The following MFHAS1 variants were observed in gnomAD, a reference collection of about 807,000 sequenced individuals.
MFHAS1 encodes multifunctional ROCO family signaling regulator 1.
MFHAS1 carries 50 observed loss-of-function variants against 70.4 expected under a neutral mutation model. The observed-to-expected ratio is 0.71, with a 90% CI of 0.57 to 0.90. MFHAS1 has a LOEUF of 0.90. Among genes scored for constraint, MFHAS1 ranks in the 40% least tolerant of loss-of-function variants. The pLI is 0.00. For missense variants in MFHAS1, 1,795 were observed against 1,347.6 expected (o/e 1.33, Z -5.20); for synonymous variants, 952 against 620.0 (o/e 1.54, Z -7.96).
At chr8:8,820,243 C>A (rs1439408698) in intron 1 of MFHAS1, among the ~76,000 whole-genome samples, 4 of 151,872 alleles carry the variant, frequency 2.6e-5, no homozygotes, top group African/African-American at 9.7e-5. Flanking sequence ...GACTGCTATG[C>A]TCCCCCTTCC....
chr8:8,879,897 C>T (rs566374943), intron 1 of MFHAS1, among the ~76,000 whole-genome samples: 31 of 152,198 alleles, frequency 2.0e-4, no homozygotes, highest in Non-Finnish European at 3.1e-4. Flanking sequence ...CATCACCACC[C>T]GCTGCCACTC....
At chr8:8,841,469 A>AC (rs1254341244) in intron 1 of MFHAS1, among the ~76,000 whole-genome samples, 1 of 149,404 alleles carries the variant, frequency 6.7e-6, no homozygotes, top group African/African-American at 2.4e-5. Flanking sequence ...CTTCGTCTCA[A>AC]AAAAAAAAAA....
chr8:8,823,887 T>C (rs1807057508), intron 1 of MFHAS1, among the ~76,000 whole-genome samples: 1 of 129,260 alleles, frequency 7.7e-6, no homozygotes, highest in African/African-American at 2.8e-5. Flanking sequence ...ACGTCGTGCA[T>C]AATGTATGAG....
At chr8:8,840,175 G>A (rs1807755274) in intron 1 of MFHAS1, among the ~76,000 whole-genome samples, 1 of 152,170 alleles carries the variant, frequency 6.6e-6, no homozygotes, top group Non-Finnish European at 1.5e-5. Flanking sequence ...GCTCATTACT[G>A]GCCGGGCACA....
At chr8:8,830,020 T>C (rs947920187) in intron 1 of MFHAS1, among the ~76,000 whole-genome samples, 5 of 152,304 alleles carry the variant, frequency 3.3e-5, no homozygotes, top group African/African-American at 1.2e-4. Flanking sequence ...CCTGGGATTC[T>C]GCATTCCTAA....
In MFHAS1 at chr8:8,827,421, A is replaced by C. The variant is rs562455251; in HGVS notation, c.2999-29930T>G. On this transcript the variant is annotated intron_variant, in intron 1 of 2. Coordinates refer to ENST00000276282, the MANE Select transcript of MFHAS1 (RefSeq NM_004225.3). Reference sequence around the variant, plus strand: ...TCTGTTTTCTCATCCTTTCACCAGCAAGGTGGGTATTATCAGACTTAGCCA... The same window carrying C: ...TCTGTTTTCTCATCCTTTCACCAGCCAGGTGGGTATTATCAGACTTAGCCA... 3.3e-5 allele frequency among the ~76,000 whole-genome samples: 5 copies of C among 152,348 alleles called. No individual in the cohort carries two copies. In the East Asian group the frequency reaches 9.6e-4, roughly 29 times the overall value.
Position 8,891,200 on chromosome 8 carries a change from A to T in MFHAS1, c.1859T>A (p.Ile620Asn). The change falls in exon 1 of 3, where the codon ATC becomes AAC. Residue 620 changes from isoleucine (I) to asparagine (N), a missense_variant. By Grantham distance (149) the Ile-to-Asn change is moderately radical. Transcript: ENST00000276282. The surrounding 1 kb of genome is among the most constrained non-coding windows in gnomAD (Gnocchi z 5.4). ...FQYLLNHRLQ[I>N]LSPVLPVSCR... ...GCTAACAGGCAACACGGGGGAGAGG[A>T]TCTGCAGCCGGTGGTTGAGCAGGTA... 1 of 1,612,928 alleles carries T rather than the reference A, an allele frequency of 6.2e-7. No individual in the cohort carries two copies. Among genetic ancestry groups the T allele is most frequent in the Non-Finnish European group, 8.5e-7 (1 of 1,180,012 alleles).
Position 8,850,811 on chromosome 8 carries a change from CAAA to C in MFHAS1, c.2998+39247_2998+39249del, listed in dbSNP as rs149181304. On this transcript the variant is annotated intron_variant, in intron 1 of 2. Transcript: ENST00000276282. ...GGGCAACAGGAGTGAAACTCCGTCT[CAAA>C]AAAAAAAAAAAAAAAAAAAATCAGA... Among the ~76,000 whole-genome samples the C allele has an allele frequency of 5.6e-3, 596 of 105,490 alleles. 2 individuals are homozygous for C. Among genetic ancestry groups the C allele is most frequent in the African/African-American group, 0.015 (410 of 27,114 alleles). 69.2% of individuals were successfully genotyped at this position (105,490 alleles called of 152,430 possible). A position where few individuals can be genotyped will look rare whatever the true frequency, so the allele number is the denominator to read the frequency against.
chr8:8,886,764 CTT>C (rs1809768628), intron 1 of MFHAS1, among the ~76,000 whole-genome samples: 1 of 152,250 alleles, frequency 6.6e-6, no homozygotes, highest in African/African-American at 2.4e-5. Context: ...TATAGGACAA[CTT>C]AACGCTTTTA....
chr8:8,804,905 ATCG>A (rs552607360), intron 1 of MFHAS1, among the ~76,000 whole-genome samples: 82 of 152,348 alleles, frequency 5.4e-4, no homozygotes, highest in Admixed American at 1.4e-3. Context: ...GCAGAAGACG[ATCG>A]TCCTGACAGT....
chr8:8,860,412 T>G (rs1220949477), intron 1 of MFHAS1, among the ~76,000 whole-genome samples: 1 of 152,230 alleles, frequency 6.6e-6, no homozygotes, highest in Non-Finnish European at 1.5e-5. Flanking sequence ...AATACGCCAG[T>G]TAGGAAACTT....
chr8:8,845,762 C>G (rs957408008), intron 1 of MFHAS1, among the ~76,000 whole-genome samples: 1 of 152,188 alleles, frequency 6.6e-6, no homozygotes, highest in Admixed American at 6.5e-5. Flanking sequence ...ATAACAACCA[C>G]AGCAAAAAAC....
At chr8:8,809,511 G>A (rs529980045) in intron 1 of MFHAS1, among the ~76,000 whole-genome samples, 9 of 152,106 alleles carry the variant, frequency 5.9e-5, no homozygotes, top group African/African-American at 1.2e-4. Context: ...AGTCAAAGCC[G>A]CCTCTTCCCG....
chr8:8,814,395 G>A (rs192404320), intron 1 of MFHAS1, among the ~76,000 whole-genome samples: 1 of 152,300 alleles, frequency 6.6e-6, no homozygotes, highest in East Asian at 1.9e-4. Flanking sequence ...CTACAGCCTG[G>A]GTGTGTAGTA....
chr8:8,883,373 G>T (rs906247903), intron 1 of MFHAS1, among the ~76,000 whole-genome samples: 11 of 152,174 alleles, frequency 7.2e-5, no homozygotes, highest in African/African-American at 2.6e-4. Context: ...CAGGCATTCT[G>T]ATGCCCTAAT....
At chr8:8,811,055 G>A (rs1215303608) in intron 1 of MFHAS1, among the ~76,000 whole-genome samples, 3 of 151,908 alleles carry the variant, frequency 2.0e-5, no homozygotes, top group South Asian at 4.2e-4. Context: ...ATAATATCTC[G>A]CGCAGGCAGA....
intron 1 of MFHAS1, among the ~76,000 whole-genome samples, chr8:8,806,531 A>G (rs912157017): frequency 2.6e-5 from 4 of 152,234 alleles, no homozygotes; most frequent in African/African-American, 9.6e-5. Flanking sequence ...GTTCTATATC[A>G]AAGTTCTTTA....
At chr8:8,861,863 T>C (rs1233949735) in intron 1 of MFHAS1, among the ~76,000 whole-genome samples, 1 of 152,242 alleles carries the variant, frequency 6.6e-6, no homozygotes, top group Non-Finnish European at 1.5e-5. Flanking sequence ...CATAATGCTT[T>C]TGAGAGTCAT....
At chr8:8,794,289 G>A (rs1050438089) in intron 2 of MFHAS1, among the ~76,000 whole-genome samples, 1 of 152,106 alleles carries the variant, frequency 6.6e-6, no homozygotes, top group Non-Finnish European at 1.5e-5. Context: ...CCAATGTCTA[G>A]TGCCTGCTGA....
Sources: allele counts gnomAD v4.1 joint callset (sites outside exome capture counted in the v4.1 genomes callset), GRCh38; gene constraint gnomAD v4.1.1; non-coding constraint Gnocchi (gnomAD v3.1); transcripts MANE v1.5; gene names NCBI Gene and HGNC (gene_info 2026-07-23, HGNC 2026-07-21).